SCHIP1: variants seen among roughly 807,000 people sequenced by gnomAD.
SCHIP1 encodes the protein schwannomin interacting protein 1.
Under a neutral mutation model 29.7 loss-of-function variants are expected in SCHIP1, and 8 were observed. The observed-to-expected ratio is 0.27, with a 90% CI of 0.16 to 0.49. SCHIP1 has a LOEUF of 0.49. SCHIP1 is among the 20% of genes least tolerant of loss of function. The pLI is 0.99. For synonymous variants in SCHIP1, 76 were observed against 94.9 expected (o/e 0.80, Z 1.16); for missense variants, 193 against 294.6 (o/e 0.66, Z 2.52).
At chr3:159,867,787 A>ACCATGTCT (rs1714775491) in intron 2 of SCHIP1, among the ~76,000 whole-genome samples, 1 of 152,028 alleles carries the variant, frequency 6.6e-6, no homozygotes, top group African/African-American at 2.4e-5. Context: ...ACTTAGTTTT[A>ACCATGTCT]CCATGTCTCA....
At chr3:159,445,016 A>T in the SCHIP1 span, among the ~76,000 whole-genome samples, 2 of 152,138 alleles carry the variant, frequency 1.3e-5, no homozygotes, top group African/African-American at 4.8e-5. Context: ...AAAAGCCAAA[A>T]TTGACAAATG....
the SCHIP1 span, chr3:159,375,898 C>A: frequency 4.0e-6 from 1 of 249,924 alleles, no homozygotes; most frequent in Non-Finnish European, 6.3e-6. Flanking sequence ...TGGTCTTTAT[C>A]TAAAAATGTG....
the SCHIP1 span, among the ~76,000 whole-genome samples, chr3:159,832,185 C>T: frequency 6.6e-6 from 1 of 152,094 alleles, no homozygotes; most frequent in Non-Finnish European, 1.5e-5. Flanking sequence ...CTTTAGGGAC[C>T]AGATCAAGGC....
At chr3:159,518,248 C>T in the SCHIP1 span, among the ~76,000 whole-genome samples, 9 of 151,808 alleles carry the variant, frequency 5.9e-5, no homozygotes. Context: ...AAAAACACAC[C>T]TATGAAAGTG....
chr3:159,538,248 TA>T, the SCHIP1 span, among the ~76,000 whole-genome samples: 53,667 of 151,916 alleles, frequency 0.35, 9,805 homozygotes, highest in South Asian at 0.51. Context: ...ACTCAAGTAG[TA>T]AAAAAACAAC....
the SCHIP1 span, chr3:159,273,960 G>T: frequency 3.8e-6 from 6 of 1,564,462 alleles, no homozygotes; most frequent in Admixed American, 1.9e-5. Context: ...CTTCAAAGTC[G>T]AACTAAGTAA....
At chr3:159,722,035 T>C in the SCHIP1 span, 1 of 368,766 alleles carries the variant, frequency 2.7e-6, no homozygotes, top group Non-Finnish European at 5.2e-6. Flanking sequence ...ACGTACTTTA[T>C]TATGTCTGCA....
the SCHIP1 span, among the ~76,000 whole-genome samples, chr3:159,574,801 C>T: frequency 6.6e-6 from 1 of 152,220 alleles, no homozygotes; most frequent in African/African-American, 2.4e-5. Flanking sequence ...TGTTTACCTA[C>T]TAAAGCCCCA....
At chr3:159,546,509 C>T in the SCHIP1 span, among the ~76,000 whole-genome samples, 1 of 152,064 alleles carries the variant, frequency 6.6e-6, no homozygotes, top group African/African-American at 2.4e-5. Flanking sequence ...ACCTCTCAAC[C>T]CATCATCTAG....
At chr3:159,740,917 C>T in the SCHIP1 span, among the ~76,000 whole-genome samples, 4 of 152,078 alleles carry the variant, frequency 2.6e-5, no homozygotes, top group Admixed American at 6.6e-5. Context: ...CCCTGATGTG[C>T]TCTGAGTGGA....
chr3:159,394,029 C>T, the SCHIP1 span, among the ~76,000 whole-genome samples: 1 of 151,966 alleles, frequency 6.6e-6, no homozygotes, highest in Non-Finnish European at 1.5e-5. Context: ...ATGTCCTTCA[C>T]ATCCCTTGTA....
the SCHIP1 span, among the ~76,000 whole-genome samples, chr3:159,366,057 G>C: frequency 7.9e-5 from 12 of 152,180 alleles, no homozygotes; most frequent in Admixed American, 6.5e-5. Flanking sequence ...GGCTTTACAG[G>C]CTTTACAGGA....
the SCHIP1 span, among the ~76,000 whole-genome samples, chr3:159,711,383 A>G: frequency 1.5e-4 from 22 of 148,224 alleles, 1 homozygote; most frequent in Non-Finnish European, 2.8e-4. Context: ...AAAAAAAAAA[A>G]AAAAAAAAAA....
the SCHIP1 span, among the ~76,000 whole-genome samples, chr3:159,698,887 C>A: frequency 6.6e-6 from 1 of 152,164 alleles, no homozygotes; most frequent in Non-Finnish European, 1.5e-5. Flanking sequence ...CTCAAGTGAT[C>A]TGCCTGCGTC....
the SCHIP1 span, among the ~76,000 whole-genome samples, chr3:159,785,834 C>A: frequency 1.5e-3 from 234 of 152,246 alleles, 1 homozygote; most frequent in Non-Finnish European, 3.0e-3. Context: ...AAGAGCTATC[C>A]ATCACTGGGG....
the SCHIP1 span, among the ~76,000 whole-genome samples, chr3:159,732,424 C>T: frequency 6.6e-6 from 1 of 152,224 alleles, no homozygotes; most frequent in East Asian, 1.9e-4. Flanking sequence ...GGTGAGTTCC[C>T]AAACCTTCTC....
At chr3:159,585,101 C>A in the SCHIP1 span, among the ~76,000 whole-genome samples, 2 of 133,958 alleles carry the variant, frequency 1.5e-5, no homozygotes, top group African/African-American at 8.3e-5. Flanking sequence ...TTCTGACCCT[C>A]TCTTTCCTGC....
the SCHIP1 span, among the ~76,000 whole-genome samples, chr3:159,425,001 T>C: frequency 6.6e-6 from 1 of 151,840 alleles, no homozygotes; most frequent in Non-Finnish European, 1.5e-5. Flanking sequence ...TGAGAGATTT[T>C]GTCACCACCA....
the SCHIP1 span, among the ~76,000 whole-genome samples, chr3:159,373,401 C>CCAT: frequency 6.6e-6 from 1 of 151,856 alleles, no homozygotes; most frequent in African/African-American, 2.4e-5. Flanking sequence ...ATAGACATAT[C>CCAT]CATCACCTTA....
Sources: allele counts gnomAD v4.1 joint callset (sites outside exome capture counted in the v4.1 genomes callset), GRCh38; gene constraint gnomAD v4.1.1; transcripts MANE v1.5; gene names NCBI Gene and HGNC (gene_info 2026-07-23, HGNC 2026-07-21).